CNBD1: variants seen among roughly 807,000 people sequenced by gnomAD.
The protein encoded by CNBD1 is cyclic nucleotide-binding domain-containing protein 1.
CNBD1 carries 71 observed loss-of-function variants against 54.4 expected under a neutral mutation model. The ratio of observed to expected loss-of-function variants is 1.30; its 90% CI spans 1.08 to 1.59. The LOEUF (loss-of-function observed/expected upper bound fraction) is 1.59, where lower values mean the gene tolerates loss of function less well. CNBD1 is among the 40% of genes most tolerant of loss of function. CNBD1 has a pLI of 0.00. For synonymous variants in CNBD1, 182 were observed against 170.7 expected (o/e 1.07, Z -0.51); for missense variants, 659 against 518.0 (o/e 1.27, Z -2.64).
At chr8:86,938,167 A>T (rs1466926707) in intron 3 of CNBD1, among the ~76,000 whole-genome samples, 3 of 152,196 alleles carry the variant, frequency 2.0e-5, no homozygotes. Flanking sequence ...ACATAGCAAG[A>T]GTCACCTTTA....
At chr8:87,223,750 T>C (rs1814405139) in intron 5 of CNBD1, among the ~76,000 whole-genome samples, 1 of 152,054 alleles carries the variant, frequency 6.6e-6, no homozygotes, top group African/African-American at 2.4e-5. Context: ...CCTTTGGGTA[T>C]ATACCCAGTA....
intron 4 of CNBD1, among the ~76,000 whole-genome samples, chr8:86,954,431 T>A (rs560581709): frequency 6.6e-6 from 1 of 152,344 alleles, no homozygotes; most frequent in African/African-American, 2.4e-5. Context: ...AATACTCTTT[T>A]GAATTTAGTC....
chr8:87,229,412 A>G (rs183610379), intron 5 of CNBD1, among the ~76,000 whole-genome samples: 3 of 152,162 alleles, frequency 2.0e-5, no homozygotes, highest in Admixed American at 1.3e-4. Flanking sequence ...TTTAGCTTGC[A>G]TTATTAACAA....
At chr8:86,882,342 G>T (rs529885875) in intron 1 of CNBD1, among the ~76,000 whole-genome samples, 6 of 151,754 alleles carry the variant, frequency 4.0e-5, no homozygotes, top group East Asian at 3.9e-4. Context: ...AAAAACAACC[G>T]CATTAAAAAG....
At chr8:87,117,523 C>T (rs1223487547) in intron 4 of CNBD1, among the ~76,000 whole-genome samples, 3 of 152,070 alleles carry the variant, frequency 2.0e-5, no homozygotes, top group African/African-American at 4.8e-5. Context: ...AAACTGAGAG[C>T]AGCCTCACTC....
intron 4 of CNBD1, among the ~76,000 whole-genome samples, chr8:87,015,282 A>G (rs940548838): frequency 2.6e-5 from 4 of 152,128 alleles, no homozygotes; most frequent in African/African-American, 9.7e-5. Flanking sequence ...TCCCAGGTTC[A>G]TGCCATTCTC....
At chr8:87,080,693 GTCT>G (rs1810974035) in intron 4 of CNBD1, among the ~76,000 whole-genome samples, 1 of 152,036 alleles carries the variant, frequency 6.6e-6, no homozygotes, top group South Asian at 2.1e-4. Flanking sequence ...TTGTTCTGTA[GTCT>G]TCTTTATGGA....
At chr8:87,057,230 G>A (rs539750723) in intron 4 of CNBD1, among the ~76,000 whole-genome samples, 2 of 152,102 alleles carry the variant, frequency 1.3e-5, no homozygotes. Context: ...TCCACAGGGC[G>A]GGGGAGGCCT....
intron 6 of CNBD1, among the ~76,000 whole-genome samples, chr8:87,263,849 G>A (rs993833406): frequency 6.6e-6 from 1 of 152,028 alleles, no homozygotes; most frequent in Non-Finnish European, 1.5e-5. Flanking sequence ...GATATACTAA[G>A]AGGAAATTAA....
rs895658475 is a variant in CNBD1, at chr8:87,226,529, G to T, written c.578-10390G>T. On this transcript the variant is annotated intron_variant, in intron 5 of 10. Coordinates refer to ENST00000518476, the MANE Select transcript of CNBD1 (RefSeq NM_173538.3). ...TAGTCATTCAGGAGCAGGTTGTTCA[G>T]TTTCCATGTAGTTGAGCAGTTTTGA... Among the ~76,000 whole-genome samples the T allele has an allele frequency of 4.8e-5, 7 of 146,830 alleles. No homozygotes were observed. The East Asian group carries it at 5.8e-4, about 12-fold the overall frequency.
At chr8:87,127,923 A>G (rs574878751) in intron 4 of CNBD1, among the ~76,000 whole-genome samples, 1 of 152,232 alleles carries the variant, frequency 6.6e-6, no homozygotes, top group Admixed American at 6.5e-5. Context: ...TTGGTCTGCC[A>G]TGCCCGCCTA....
chr8:87,271,473 T>C (rs972829894), intron 6 of CNBD1, among the ~76,000 whole-genome samples: 2 of 152,018 alleles, frequency 1.3e-5, no homozygotes, highest in South Asian at 2.1e-4. Context: ...CAAGGAATTT[T>C]TAAATTTTCT....
rs538023197 is a variant in CNBD1, at chr8:86,954,580, G to A, written c.431+14826G>A. ...TGAACGAGATGAAAATTTACATTCC[G>A]TGTTCTTATATTCTTTTACTAAAGA... On this transcript the variant is annotated intron_variant, in intron 4 of 10. Coordinates refer to ENST00000518476, the MANE Select transcript of CNBD1 (RefSeq NM_173538.3). 1.1e-4 allele frequency among the ~76,000 whole-genome samples: 12 copies of A among 106,798 alleles called. No homozygotes were observed. The South Asian group carries it at 3.5e-3, about 31-fold the overall frequency. The allele number at this position is 106,798 out of a possible 152,430, so 70.1% of individuals were successfully genotyped here.
chr8:86,979,573 C>T (rs1299122209), intron 4 of CNBD1, among the ~76,000 whole-genome samples: 1 of 151,722 alleles, frequency 6.6e-6, no homozygotes, highest in Non-Finnish European at 1.5e-5. Context: ...AGAATAAGAC[C>T]CCATTTCCAA....
chr8:86,934,294 CAG>C (rs1809506990), intron 3 of CNBD1, among the ~76,000 whole-genome samples: 1 of 152,148 alleles, frequency 6.6e-6, no homozygotes, highest in Non-Finnish European at 1.5e-5. Flanking sequence ...ATTATTCTAT[CAG>C]TGCCTTCGTG....
At chr8:87,246,079 AGTT>A (rs1489683064) in intron 6 of CNBD1, among the ~76,000 whole-genome samples, 53 of 152,006 alleles carry the variant, frequency 3.5e-4, no homozygotes, top group Admixed American at 9.8e-4. Flanking sequence ...GATTGTTTTC[AGTT>A]TTGGTGTTTT....
At chr8:87,419,127 A>T (rs563804296) in intron 2 of CNBD1, among the ~76,000 whole-genome samples, 2 of 151,940 alleles carry the variant, frequency 1.3e-5, no homozygotes, top group African/African-American at 2.4e-5. Flanking sequence ...ATAAAAATTA[A>T]TGAAGTACTG....
At chr8:87,090,030 C>T (rs1012993130) in intron 4 of CNBD1, among the ~76,000 whole-genome samples, 9 of 152,014 alleles carry the variant, frequency 5.9e-5, no homozygotes, top group Non-Finnish European at 1.3e-4. Flanking sequence ...TATACCATTT[C>T]TATTTTTAAT....
intron 2 of CNBD1, among the ~76,000 whole-genome samples, chr8:87,390,536 G>A (rs982215658): frequency 3.9e-5 from 6 of 152,100 alleles, no homozygotes; most frequent in Admixed American, 2.0e-4. Context: ...CAAAACCATA[G>A]TGCGATATCA....
Sources: allele counts gnomAD v4.1 joint callset (sites outside exome capture counted in the v4.1 genomes callset), GRCh38; gene constraint gnomAD v4.1.1; transcripts MANE v1.5; gene names NCBI Gene and HGNC (gene_info 2026-07-23, HGNC 2026-07-21).